The following RBM39 variants were observed in gnomAD, a reference collection of about 807,000 sequenced individuals.
The protein encoded by RBM39 is RNA-binding protein 39.
In RBM39, 12 loss-of-function variants were observed where a neutral mutation model predicts 79.6. The observed-to-expected ratio is 0.15, with a 90% CI of 0.10 to 0.24. The LOEUF (loss-of-function observed/expected upper bound fraction) is 0.24. Ranked by LOEUF, RBM39 falls within the 10% of genes least tolerant of loss-of-function variation. The pLI is 1.00. For synonymous variants in RBM39, 185 were observed against 208.4 expected, an observed-to-expected ratio of 0.89 and a Z score of 0.97; for missense variants, 243 against 653.4, an observed-to-expected ratio of 0.37 and a Z score of 6.85.
At chr20:35,733,594 GCAA>G (rs2039606407) in intron 3 of RBM39, among the ~76,000 whole-genome samples, 1 of 151,264 alleles carries the variant, frequency 6.6e-6, no homozygotes, top group Non-Finnish European at 1.5e-5. Flanking sequence ...GAGCAACAGA[GCAA>G]GACTGTCTCC....
Position 35,732,093 on chromosome 20 carries a change from C to T in RBM39, c.144G>A (p.Lys48=). Residue 48 remains lysine, a synonymous_variant, in exon 4 of 17, where the codon AAG becomes AAA. Transcript: ENST00000253363. The part of the protein sequence containing the change: ...SKSRSRSHER[K]RSKSKERKRS... ...GCTTCCGTTCCTTACTTTTGCTTCT[C>T]TTTCGTTCATGACTACGACTTCTGC... The T allele has an allele frequency of 6.2e-7, 1 of 1,614,034 alleles. No individual in the cohort carries two copies. The highest frequency in any genetic ancestry group is 1.1e-5 in the South Asian group (1 of 91,084).
intron 12 of RBM39, among the ~76,000 whole-genome samples, chr20:35,712,489 A>G (rs2036559600): frequency 6.9e-6 from 1 of 145,326 alleles, no homozygotes; most frequent in African/African-American, 2.6e-5. Context: ...GCACAGGGGA[A>G]TGAGTGTTTT....
At chr20:35,727,238 A>G (rs1414997325) in intron 6 of RBM39, among the ~76,000 whole-genome samples, 3 of 151,860 alleles carry the variant, frequency 2.0e-5, no homozygotes, top group South Asian at 4.2e-4. Context: ...AGTCCCAGCT[A>G]CTCGGGAGGC....
chr20:35,733,903 A>T (rs1188834926), intron 3 of RBM39, among the ~76,000 whole-genome samples: 1 of 152,200 alleles, frequency 6.6e-6, no homozygotes, highest in South Asian at 2.1e-4. Flanking sequence ...TAAATCTTAT[A>T]ATCTATACCT....
intron 12 of RBM39, among the ~76,000 whole-genome samples, chr20:35,710,718 T>G (rs954906799): frequency 6.6e-6 from 1 of 152,184 alleles, no homozygotes; most frequent in Admixed American, 6.5e-5. Flanking sequence ...GCAAGTTATA[T>G]GTAATATTTT....
intron 8 of RBM39, among the ~76,000 whole-genome samples, chr20:35,722,405 T>G (rs2038055735): frequency 8.2e-6 from 1 of 121,906 alleles, no homozygotes; most frequent in African/African-American, 3.5e-5. Flanking sequence ...AGACTCAGTC[T>G]CAAAAAAAAT....
intron 2 of RBM39, 195 bp downstream of exon 2, chr20:35,740,629 T>A (rs1431448443): frequency 7.0e-7 from 1 of 1,431,938 alleles, no homozygotes; most frequent in Non-Finnish European, 9.5e-7. Flanking sequence ...CATTTATTCA[T>A]CACGCTGAAG....
At chr20:35,721,088 G>A (rs1257686539) in intron 9 of RBM39, among the ~76,000 whole-genome samples, 4 of 152,048 alleles carry the variant, frequency 2.6e-5, no homozygotes, top group Non-Finnish European at 5.9e-5. Flanking sequence ...ACACAGAGAC[G>A]CACCAACACG....
intron 8 of RBM39, 115 bp from the exon 9 acceptor site, chr20:35,721,992 C>A: frequency 8.2e-7 from 1 of 1,214,182 alleles, no homozygotes. Flanking sequence ...TACTACCCTA[C>A]GTAAGTCAGA....
chr20:35,705,279 T>C lies in RBM39; in HGVS notation c.1359A>G (p.Glu453=), dbSNP rs1363755446. The change falls in exon 15 of 17, where the codon GAA becomes GAG. Residue 453 remains glutamate (E), a synonymous_variant. Coordinates refer to ENST00000253363, the MANE Select transcript of RBM39 (RefSeq NM_184234.3). ...GAATAACTCCTCCATGTTTATTACA[T>C]TCTTCAATCACATCATCCTTAATCT... ...DTEIKDDVIE[E]CNKHGGVIHI... 3.8e-6 allele frequency: 6 copies of C among 1,581,994 alleles called. No homozygotes were observed. The highest frequency in any genetic ancestry group is 4.3e-6 in the Non-Finnish European group (5 of 1,171,544).
At chr20:35,722,457 GCTTT>G (rs1246980422) in intron 8 of RBM39, among the ~76,000 whole-genome samples, 2 of 131,240 alleles carry the variant, frequency 1.5e-5, no homozygotes, top group Non-Finnish European at 3.1e-5. Context: ...TTATTTAGAG[GCTTT>G]TTTTTTTTTT....
rs1187086300 is a variant in RBM39, at chr20:35,703,091, A to C, written c.*1390T>G. 6.6e-6 allele frequency: 1 copy of C among 152,200 alleles called. No homozygotes were observed. The highest frequency in any genetic ancestry group is 6.5e-5 in the Admixed American group (1 of 15,276). The allele number at this position is 152,200 out of a possible 1,614,324, so 9.4% of individuals were successfully genotyped here. On this transcript the variant is annotated 3_prime_UTR_variant, in exon 17 of 17. Coordinates refer to ENST00000253363, the MANE Select transcript of RBM39 (RefSeq NM_184234.3). ...GAGGTAAGGAACTCAGTATTTGAAG[A>C]TAAGCTAGGAGCAGCATTTCCTACT...
At position 35,716,727 on chromosome 20, in the gene RBM39, G is replaced by A. The variant is rs1454328275; in HGVS notation, c.891+13C>T. The stretch of plus-strand genomic sequence containing the variant: ...AAAAAACCCTAAGTAATATAATTAT[G>A]GTAATTACTTACTGTAATAAATCCA... On this transcript the variant is annotated intron_variant, in intron 10 of 16. Transcript: ENST00000253363. 1.4e-6 allele frequency: 2 copies of A among 1,463,570 alleles called. No individual in the cohort carries two copies. Among genetic ancestry groups the A allele is most frequent in the South Asian group, 1.2e-5 (1 of 82,838 alleles). The allele number at this position is 1,463,570 out of a possible 1,614,324, so 90.7% of individuals were successfully genotyped here.
intron 6 of RBM39, among the ~76,000 whole-genome samples, chr20:35,728,422 TCCATTAAAA>T (rs1260625134): frequency 2.6e-5 from 4 of 152,202 alleles, no homozygotes; most frequent in African/African-American, 9.7e-5. Flanking sequence ...TCATTACATG[TCCATTAAAA>T]ATAATAAATG....
intron 3 of RBM39, among the ~76,000 whole-genome samples, chr20:35,733,161 G>A (rs1443942437): frequency 6.6e-6 from 1 of 151,958 alleles, no homozygotes; most frequent in Non-Finnish European, 1.5e-5. Flanking sequence ...AAATTAGCCA[G>A]GCCTGATGGT....
At chr20:35,736,080 C>T (rs181868898) in intron 3 of RBM39, among the ~76,000 whole-genome samples, 31 of 150,740 alleles carry the variant, frequency 2.1e-4, no homozygotes, top group African/African-American at 7.5e-4. Flanking sequence ...CCTTCTGGCA[C>T]TTGAAGCGAA....
At chr20:35,711,177 T>C (rs2036359123) in intron 12 of RBM39, among the ~76,000 whole-genome samples, 1 of 152,172 alleles carries the variant, frequency 6.6e-6, no homozygotes, top group Non-Finnish European at 1.5e-5. Context: ...ATCAATTCCC[T>C]GAAGGCAGGA....
intron 3 of RBM39, 115 bp downstream of exon 3, chr20:35,738,853 G>A (rs2040248609): frequency 1.1e-6 from 1 of 908,246 alleles, no homozygotes; most frequent in South Asian, 1.7e-5. Context: ...TCTAAAAGCA[G>A]CAAAGAAAAG....
chr20:35,732,276 T>C, intron 3 of RBM39, 141 bp from the exon 4 acceptor site: 1 of 606,726 alleles, frequency 1.6e-6, no homozygotes, highest in South Asian at 2.0e-5. Flanking sequence ...TACATAATCA[T>C]ACTTAAAAAA....
Sources: allele counts gnomAD v4.1 joint callset (sites outside exome capture counted in the v4.1 genomes callset), GRCh38; gene constraint gnomAD v4.1.1; transcripts MANE v1.5; gene names NCBI Gene and HGNC (gene_info 2026-07-23, HGNC 2026-07-21).